The following NTRK1 variants were observed in gnomAD, a reference collection of about 807,000 sequenced individuals.
NTRK1 encodes neurotrophic receptor tyrosine kinase 1, also known as high affinity nerve growth factor receptor.
In NTRK1, 62 loss-of-function variants were observed where a neutral mutation model predicts 86.8. That is an observed-to-expected ratio of 0.71 (90% CI 0.58 to 0.88). The LOEUF is 0.88. Ranked by LOEUF, NTRK1 falls within the 40% of genes least tolerant of loss-of-function variation. NTRK1 has a pLI of 0.00. For synonymous variants in NTRK1, 469 were observed against 456.6 expected (o/e 1.03, Z -0.35); for missense variants, 967 against 1,078.4 (o/e 0.90, Z 1.45).
intron 4 of NTRK1, among the ~76,000 whole-genome samples, chr1:156,867,708 A>T (rs963780524): frequency 6.8e-6 from 1 of 147,416 alleles, no homozygotes; most frequent in South Asian, 2.1e-4. Context: ...TCGCTCTGTC[A>T]CCCAGGCTGG....
intron 16 of NTRK1, 147 bp downstream of exon 16, chr1:156,880,304 C>G (rs1027795276): frequency 1.4e-5 from 11 of 794,292 alleles, no homozygotes; most frequent in Non-Finnish European, 2.2e-5. Context: ...CACTGTGTCC[C>G]CTCCACTGTG....
chr1:156,817,075 C>CTCTCTCTCTCTCTCTCTCTCTCAT (rs1553256337), intron 1 of NTRK1, among the ~76,000 whole-genome samples: 1 of 126,116 alleles, frequency 7.9e-6, no homozygotes, highest in Non-Finnish European at 1.8e-5. Flanking sequence ...CTCTCTCTCT[C>CTCTCTCTCTCTCTCTCTCTCTCAT]ATCTCTCTTG....
intron 1 of NTRK1, among the ~76,000 whole-genome samples, chr1:156,826,887 C>T (rs1042202532): frequency 3.3e-5 from 5 of 152,168 alleles, no homozygotes; most frequent in Non-Finnish European, 5.9e-5. Flanking sequence ...TCACATAATG[C>T]CTTTTCTCTG....
chr1:156,829,715 C>T (rs12719992), intron 1 of NTRK1, among the ~76,000 whole-genome samples: 46,445 of 152,022 alleles, frequency 0.31, 8,610 homozygotes, highest in East Asian at 0.67. Flanking sequence ...TGCAGTGGCA[C>T]GATCTCGGCT....
At chr1:156,856,613 G>A (rs549321377), upstream of NTRK1, among the ~76,000 whole-genome samples, 2 of 152,178 alleles carry the variant, frequency 1.3e-5, no homozygotes, top group South Asian at 2.1e-4. Flanking sequence ...TTAGTCCAGC[G>A]CCCACATCAC....
At chr1:156,852,371 A>G (rs950211048) in intron 2 of NTRK1, among the ~76,000 whole-genome samples, 13 of 152,178 alleles carry the variant, frequency 8.5e-5, no homozygotes, top group Admixed American at 8.5e-4. Flanking sequence ...GAGGACAAGG[A>G]CTGTGGCCGT....
rs55951840 is a variant in NTRK1 at position 156,852,098 on chromosome 1, C to T, written c.50+9905C>T. 9.1e-4 allele frequency: 1,465 copies of T among 1,613,704 alleles called. 11 individuals carry two copies. The African/African-American group carries it at 0.016, about 18-fold the overall frequency. On this transcript the variant is annotated intron_variant, in intron 2 of 16. Coordinates refer to the NTRK1 transcript ENST00000392302. ...GAGGTGGCGGCAAGCTACACAGGCA[C>T]GAGGGTCTTCTGGCTGGCTGCAGCC...
chr1:156,844,956 G>A (rs1434994773), intron 2 of NTRK1: 19 of 1,551,294 alleles, frequency 1.2e-5, no homozygotes, highest in Non-Finnish European at 8.7e-7. Context: ...GGGATTATGG[G>A]AACTGAGAGG....
chr1:156,848,547 C>T (rs1195524321), intron 2 of NTRK1, among the ~76,000 whole-genome samples: 1 of 152,180 alleles, frequency 6.6e-6, no homozygotes, highest in Non-Finnish European at 1.5e-5. Context: ...GCTGGCAGAG[C>T]TGCTCATAAA....
rs2102915540 is a variant in NTRK1, at chr1:156,875,593, G to A, written c.1428G>A (p.Leu476=). The change falls in exon 12 of 17, where the codon CTG becomes CTA. Residue 476 remains leucine (L), a synonymous_variant. Transcript: ENST00000524377. The stretch of plus-strand genomic sequence containing the variant: ...TCATGACATTGGGTGGCAGCTCCCT[G>A]TCCCCCACCGAGGGCAAAGGCTCTG... The part of the protein sequence containing the change: ...LHFMTLGGSS[L]SPTEGKGSGL... 6.2e-7 allele frequency: 1 copy of A among 1,613,940 alleles called. No individual in the cohort carries two copies. Among genetic ancestry groups the A allele is most frequent in the Non-Finnish European group, 8.5e-7 (1 of 1,179,986 alleles).
chr1:156,843,473 T>A (rs1342175978), intron 2 of NTRK1: 1 of 1,614,110 alleles, frequency 6.2e-7, no homozygotes, highest in African/African-American at 1.3e-5. Context: ...CATACAGGGT[T>A]CTGTTTCTGC....
intron 7 of NTRK1, among the ~76,000 whole-genome samples, chr1:156,873,018 A>AGT (rs55870362): frequency 0.25 from 32,390 of 130,692 alleles, 4,027 homozygotes; most frequent in Non-Finnish European, 0.3. Flanking sequence ...TTTCAAAAAG[A>AGT]GTGTGTGTGT....
chr1:156,852,709 G>A (rs190116579), intron 2 of NTRK1, among the ~76,000 whole-genome samples: 3 of 152,362 alleles, frequency 2.0e-5, no homozygotes, highest in Non-Finnish European at 4.4e-5. Context: ...TGGAGCTGGA[G>A]GCCCAATCGC....
rs150462443 is a variant in NTRK1 at position 156,832,442 on chromosome 1, G to T, written c.-63-9639G>T. ...GGTCTATTCTGCCTAGGATGAGATT[G>T]CAAGGGGAAGAGAAATCAGTAAGGG... is the stretch of plus-strand genomic sequence containing the variant. On this transcript the variant is annotated intron_variant, in intron 1 of 16. Coordinates refer to the NTRK1 transcript ENST00000392302. Among the ~76,000 whole-genome samples, 422 of 152,308 alleles carry T rather than the reference G, an allele frequency of 2.8e-3. 4 individuals are homozygous for T. The highest frequency in any genetic ancestry group is 9.5e-3 in the African/African-American group (395 of 41,550).
chr1:156,829,538 C>G (rs535661415), intron 1 of NTRK1, among the ~76,000 whole-genome samples: 2 of 152,196 alleles, frequency 1.3e-5, no homozygotes, highest in East Asian at 1.9e-4. Flanking sequence ...GACAGGGAGG[C>G]CCTTGGGGAT....
chr1:156,835,343 G>A (rs1654572334), intron 1 of NTRK1, among the ~76,000 whole-genome samples: 1 of 152,162 alleles, frequency 6.6e-6, no homozygotes. Context: ...CAGAGCCCGC[G>A]ATACACACCC....
rs1215730780 is a variant in NTRK1 at position 156,879,317 on chromosome 1, T to A, written c.2001T>A (p.Gly667=). The change falls in exon 15 of 17, where the codon GGT becomes GGA. Residue 667 remains glycine, a synonymous_variant. Transcript: ENST00000524377. Reference sequence around the variant, plus strand: ...GCCAGGGACTGGTGGTCAAGATTGGTGATTTTGGCATGAGCAGGGATATCT... The same window carrying A: ...GCCAGGGACTGGTGGTCAAGATTGGAGATTTTGGCATGAGCAGGGATATCT... ...LVGQGLVVKI[G]DFGMSRDIYS... is the part of the protein sequence containing the mutation. 6 of 1,612,322 alleles carry A rather than the reference T, an allele frequency of 3.7e-6. No individual in the cohort carries two copies. The South Asian group carries it at 6.6e-5, about 18-fold the overall frequency.
intron 1 of NTRK1, chr1:156,840,819 G>T (rs1459611436): frequency 7.3e-7 from 1 of 1,375,762 alleles, no homozygotes; most frequent in East Asian, 2.4e-5. Context: ...AGCCACAGAG[G>T]TCGGGTCCCT....
At chr1:156,859,932 G>A (rs1655552206), upstream of NTRK1, among the ~76,000 whole-genome samples, 1 of 152,212 alleles carries the variant, frequency 6.6e-6, no homozygotes, top group Non-Finnish European at 1.5e-5. This position sits in a 1 kb window ranked among gnomAD's most constrained non-coding sequence, Gnocchi z 6.2. Flanking sequence ...GCCTTCTGCT[G>A]CCCTGGGTGC....
Sources: allele counts gnomAD v4.1 joint callset (sites outside exome capture counted in the v4.1 genomes callset), GRCh38; gene constraint gnomAD v4.1.1; non-coding constraint Gnocchi (gnomAD v3.1); transcripts MANE v1.5; gene names NCBI Gene and HGNC (gene_info 2026-07-23, HGNC 2026-07-21).